CUL9: variants seen among roughly 807,000 people sequenced by gnomAD.
The protein encoded by CUL9 is cullin-9.
CUL9 carries 79 observed loss-of-function variants against 272.6 expected under a neutral mutation model. The ratio of observed to expected loss-of-function variants is 0.29; its 90% CI spans 0.24 to 0.35. The LOEUF (loss-of-function observed/expected upper bound fraction) is 0.35. Among genes scored for constraint, CUL9 ranks in the 10% least tolerant of loss-of-function variants. The pLI is 1.00. For missense variants in CUL9, 2,532 were observed against 3,255.6 expected, an observed-to-expected ratio of 0.78 and a Z score of 5.41; for synonymous variants, 1,186 against 1,286.5, an observed-to-expected ratio of 0.92 and a Z score of 1.67.
Position 43,199,128 on chromosome 6 carries a change from G to T in CUL9, c.3051-138G>T. ...ATTTTGTATTTTTAGTAGAGATGGG[G>T]TTTCTCCATTTTGGTCAGGCTGGTC... On this transcript the variant is annotated intron_variant, in intron 12 of 40. Coordinates refer to ENST00000252050, the MANE Select transcript of CUL9 (RefSeq NM_015089.4). The surrounding 1 kb of genome is among the most constrained non-coding windows in gnomAD (Gnocchi z 4.4). The T allele has an allele frequency of 1.3e-6, 1 of 786,654 alleles. No homozygotes were observed. Among genetic ancestry groups the T allele is most frequent in the South Asian group, 1.6e-5 (1 of 62,132 alleles). The allele number at this position is 786,654 out of a possible 1,614,324, so 48.7% of individuals were successfully genotyped here.
At chr6:43,193,881 T>G (rs1773750041) in intron 9 of CUL9, among the ~76,000 whole-genome samples, 1 of 152,238 alleles carries the variant, frequency 6.6e-6, no homozygotes, top group South Asian at 2.1e-4. Context: ...AGGTGTCTGG[T>G]TAAAAGCTAA....
intron 6 of CUL9, 128 bp from the exon 7 acceptor site, chr6:43,187,585 C>A: frequency 7.5e-7 from 1 of 1,329,324 alleles, no homozygotes; most frequent in Non-Finnish European, 1.0e-6. Context: ...GGGTTGGAGG[C>A]AAGTGCTGTG....
At chr6:43,191,821 G>T (rs1157660081) in intron 8 of CUL9, among the ~76,000 whole-genome samples, 1 of 151,832 alleles carries the variant, frequency 6.6e-6, no homozygotes, top group East Asian at 1.9e-4. Flanking sequence ...CTGACCTCAA[G>T]TGATCCACCT....
chr6:43,184,498 T>C lies in CUL9; in HGVS notation c.188T>C (p.Ile63Thr). ...GTGGAAGAAGGCAAAGCAGAGCACATCCTCATGTGGCTGTCGGCTCCTGAG... is the reference window on the plus strand; with the variant it reads ...GTGGAAGAAGGCAAAGCAGAGCACACCCTCATGTGGCTGTCGGCTCCTGAG... ...VGVEEGKAEH[I>T]LMWLSAPEVY... Residue 63 changes from isoleucine to threonine, a missense_variant, in exon 2 of 41, where the codon ATC becomes ACC. Coordinates refer to ENST00000252050, the MANE Select transcript of CUL9 (RefSeq NM_015089.4). The surrounding 1 kb of genome is among the most constrained non-coding windows in gnomAD (Gnocchi z 4.8). The C allele has an allele frequency of 6.2e-7, 1 of 1,613,000 alleles. No homozygotes were observed. The highest frequency in any genetic ancestry group is 8.5e-7 in the Non-Finnish European group (1 of 1,179,244).
chr6:43,215,551 T>G (rs1582416880), intron 30 of CUL9, among the ~76,000 whole-genome samples: 5 of 152,300 alleles, frequency 3.3e-5, no homozygotes, highest in Admixed American at 3.3e-4. Flanking sequence ...TGTACTCTAC[T>G]CAGTTAAATA....
In CUL9 at chr6:43,200,159, G is replaced by A. The variant is rs1336383236; in HGVS notation, c.3384+3G>A. 6.2e-7 allele frequency: 1 copy of A among 1,612,854 alleles called. No individual in the cohort carries two copies. The highest frequency in any genetic ancestry group is 8.5e-7 in the Non-Finnish European group (1 of 1,179,258). ...GCATCCTGGCCGGCTGCATTCAGGT[G>A]AGGAGCGGCTGTGGGTATGCAGCTG... On this transcript the variant is annotated splice_donor_region_variant and intron_variant, in intron 14 of 40. Transcript: ENST00000252050. The surrounding 1 kb of genome is among the most constrained non-coding windows in gnomAD (Gnocchi z 4.0).
chr6:43,199,832 C>A lies in CUL9; in HGVS notation c.3157-97C>A. On this transcript the variant is annotated intron_variant, in intron 13 of 40. Transcript: ENST00000252050. This position sits in a 1 kb window ranked among gnomAD's most constrained non-coding sequence, Gnocchi z 4.4. ...CTGGGCGTTGGCATGTCTCCACAAT[C>A]TCAGCCACGACACTTCCTTTACTGA... 2.0e-6 allele frequency: 2 copies of A among 1,010,152 alleles called. No individual in the cohort carries two copies. Among genetic ancestry groups the A allele is most frequent in the Non-Finnish European group, 3.1e-6 (2 of 655,554 alleles). The allele number at this position is 1,010,152 out of a possible 1,614,324, so 62.6% of individuals were successfully genotyped here.
At chr6:43,183,989 G>T (rs550069585) in intron 1 of CUL9, among the ~76,000 whole-genome samples, 1 of 152,112 alleles carries the variant, frequency 6.6e-6, no homozygotes, top group African/African-American at 2.4e-5. Flanking sequence ...CTGACCTCGT[G>T]ATCTGCCCAC....
At chr6:43,185,315 G>T (rs1302450739) in intron 2 of CUL9, 141 bp from the exon 3 acceptor site, 1 of 814,716 alleles carries the variant, frequency 1.2e-6, no homozygotes, top group East Asian at 2.5e-5. Context: ...TTTGTAACAG[G>T]TTACCATGTA....
At chr6:43,212,915 G>A in intron 26 of CUL9, 1 of 482,652 alleles carries the variant, frequency 2.1e-6, no homozygotes, top group Non-Finnish European at 3.7e-6. Context: ...AACCTGCCTG[G>A]CTCAGGGCTA....
chr6:43,187,657 A>G (rs2150523727), intron 6 of CUL9, 56 bp from the exon 7 acceptor site: 1 of 1,562,810 alleles, frequency 6.4e-7, no homozygotes, highest in East Asian at 2.2e-5. Flanking sequence ...CCCATTACTG[A>G]CCCCAAGACC....
chr6:43,186,560 C>T lies in CUL9; in HGVS notation c.1251+105C>T, dbSNP rs1353558939. 3.4e-6 allele frequency: 5 copies of T among 1,452,608 alleles called. No individual in the cohort carries two copies. In the East Asian group the frequency reaches 9.3e-5, roughly 27 times the overall value. 90.0% of individuals were successfully genotyped at this position (1,452,608 alleles called of 1,614,324 possible). ...CTGCAGGCCACCCAAGAAGAACCCCCCTGGGGAATTGGAATGATACAAGGG... is the reference window on the plus strand; with the variant it reads ...CTGCAGGCCACCCAAGAAGAACCCCTCTGGGGAATTGGAATGATACAAGGG... On this transcript the variant is annotated intron_variant, in intron 4 of 40. Coordinates refer to ENST00000252050, the MANE Select transcript of CUL9 (RefSeq NM_015089.4).
At chr6:43,222,697 G>A in intron 37 of CUL9, 56 bp downstream of exon 37, 2 of 1,605,232 alleles carry the variant, frequency 1.2e-6, no homozygotes, top group Non-Finnish European at 1.7e-6. Context: ...GGGTCTGGGG[G>A]GCTTGGCTGC....
At chr6:43,204,611 C>T in intron 21 of CUL9, 72 bp downstream of exon 21, 2 of 1,594,816 alleles carry the variant, frequency 1.3e-6, no homozygotes, top group Non-Finnish European at 1.7e-6. Context: ...CTCCCTGGGT[C>T]TTACTCTTGC....
rs977521554 is a variant in CUL9 at position 43,218,597 on chromosome 6, T to C, written c.6283-1862T>C. On this transcript the variant is annotated intron_variant, in intron 31 of 40. Coordinates refer to ENST00000252050, the MANE Select transcript of CUL9 (RefSeq NM_015089.4). This position sits in a 1 kb window ranked among gnomAD's most constrained non-coding sequence, Gnocchi z 4.4. ...CAAGAGTGGAAGCAGGAAGGCCCAT[T>C]TGGTGACTGTTGTACGAGAGACAAG... Among the ~76,000 whole-genome samples the C allele has an allele frequency of 8.5e-5, 13 of 152,108 alleles. No homozygotes were observed. Among genetic ancestry groups the C allele is most frequent in the African/African-American group, 2.9e-4 (12 of 41,418 alleles).
At chr6:43,214,133 A>C (rs1775743863) in intron 29 of CUL9, among the ~76,000 whole-genome samples, 1 of 152,250 alleles carries the variant, frequency 6.6e-6, no homozygotes, top group South Asian at 2.1e-4. Context: ...TAAGTCATTT[A>C]ATCCAGCCAG....
In CUL9 at chr6:43,222,833, G is replaced by A. The variant is rs765350298; in HGVS notation, c.7087G>A (p.Asp2363Asn). Reference sequence around the variant, plus strand: ...CTACAGCCAGGACGCAGAGTACATGGATGTGGTGGAGCAGCAGACAGAGAA... The same window carrying A: ...CTACAGCCAGGACGCAGAGTACATGAATGTGGTGGAGCAGCAGACAGAGAA... Reference protein sequence around the residue: ...SFYSQDAEYMDVVEQQTENLE... With the variant: ...SFYSQDAEYMNVVEQQTENLE... Residue 2363 changes from aspartate (D) to asparagine (N), a missense_variant, in exon 38 of 41, where the codon GAT becomes AAT. Transcript: ENST00000252050. 2 of 1,614,066 alleles carry A rather than the reference G, an allele frequency of 1.2e-6. No homozygotes were observed. The highest frequency in any genetic ancestry group is 2.2e-5 in the South Asian group (2 of 91,078).
At position 43,200,481 on chromosome 6, in the gene CUL9, A is replaced by G; in HGVS notation, c.3430A>G (p.Ile1144Val). ...IEDHRRTHQP[I>V]NIPFFDVFLR... ...AGACCACAGACGAACCCACCAACCC[A>G]TCAATATCCCCTTCTTTGATGTGTT... Residue 1144 changes from isoleucine to valine, a missense_variant, in exon 15 of 41, where the codon ATC (isoleucine) becomes GTC (valine). This residue lies in a region of CUL9 where 2,218 missense variants were observed against 2,788.6 expected (regional missense o/e 0.80). Transcript: ENST00000252050. This position sits in a 1 kb window ranked among gnomAD's most constrained non-coding sequence, Gnocchi z 4.0. The G allele has an allele frequency of 6.2e-7, 1 of 1,614,020 alleles. No homozygotes were observed. Among genetic ancestry groups the G allele is most frequent in the Non-Finnish European group, 8.5e-7 (1 of 1,180,006 alleles).
At chr6:43,204,032 T>C (rs965225594) in intron 20 of CUL9, 45 bp downstream of exon 20, 2 of 1,543,452 alleles carry the variant, frequency 1.3e-6, no homozygotes, top group African/African-American at 1.4e-5. Flanking sequence ...TCCTTGTCCT[T>C]ATTCCCAGGG....
Sources: gnomAD v4.1 joint callset for allele counts (sites outside exome capture counted in the v4.1 genomes callset) on GRCh38, gnomAD v4.1.1 for gene constraint, gnomAD v4.1.1 regional missense constraint, Gnocchi (gnomAD v3.1) non-coding constraint, MANE v1.5 for transcripts, NCBI Gene and HGNC (gene_info 2026-07-23, HGNC 2026-07-21) for gene names.